The following ASAP2 variants were observed in gnomAD, a reference collection of about 807,000 sequenced individuals.
The protein encoded by ASAP2 is arf-GAP with SH3 domain, ANK repeat and PH domain-containing protein 2.
Under a neutral mutation model 131.4 loss-of-function variants are expected in ASAP2, and 45 were observed. That is an observed-to-expected ratio of 0.34 (90% CI 0.27 to 0.44). The LOEUF (loss-of-function observed/expected upper bound fraction) is 0.44, where lower values mean the gene tolerates loss of function less well. Ranked by LOEUF, ASAP2 falls within the 20% of genes least tolerant of loss-of-function variation. The probability of loss-of-function intolerance (pLI) is 1.00; values close to 1 mark genes in which losing one functional copy is unlikely to be tolerated. For synonymous variants in ASAP2, 510 were observed against 503.0 expected, an observed-to-expected ratio of 1.01 and a Z score of -0.19; for missense variants, 1,011 against 1,297.0, an observed-to-expected ratio of 0.78 and a Z score of 3.39.
intron 1 of ASAP2, among the ~76,000 whole-genome samples, chr2:9,267,771 A>G (rs540322546): frequency 6.6e-6 from 1 of 151,930 alleles, no homozygotes; most frequent in African/African-American, 2.4e-5. Flanking sequence ...AGTAGTGCAC[A>G]CCTGTAGTTC....
At position 9,207,548 on chromosome 2, in the gene ASAP2, G is replaced by C. The variant is rs1268440944; in HGVS notation, c.126+318G>C. 6.6e-6 allele frequency among the ~76,000 whole-genome samples: 1 copy of C among 151,190 alleles called. No homozygotes were observed. On this transcript the variant is annotated intron_variant, in intron 1 of 27. Coordinates refer to ENST00000281419, the MANE Select transcript of ASAP2 (RefSeq NM_003887.3). The surrounding 1 kb of genome is among the most constrained non-coding windows in gnomAD (Gnocchi z 4.1). Reference sequence around the variant, plus strand: ...TCCGCGGCGAGCGGGGGATCCCGCTGCCCGCCGCCGCCCGCCGCCGCCCGG... The same window carrying C: ...TCCGCGGCGAGCGGGGGATCCCGCTCCCCGCCGCCGCCCGCCGCCGCCCGG...
Position 9,232,164 on chromosome 2 carries a change from A to C in ASAP2, c.126+24934A>C, listed in dbSNP as rs1663212454. On this transcript the variant is annotated intron_variant, in intron 1 of 27. Coordinates refer to ENST00000281419, the MANE Select transcript of ASAP2 (RefSeq NM_003887.3). This position sits in a 1 kb window ranked among gnomAD's most constrained non-coding sequence, Gnocchi z 4.1. Reference sequence around the variant, plus strand: ...CCCTGACCTTTTGGAAAGTAACCAGACTCTGGGTCCTTCTCCTTTGTTGAC... The same window carrying C: ...CCCTGACCTTTTGGAAAGTAACCAGCCTCTGGGTCCTTCTCCTTTGTTGAC... Among the ~76,000 whole-genome samples the C allele has an allele frequency of 6.6e-6, 1 of 151,504 alleles. No individual in the cohort carries two copies. The highest frequency in any genetic ancestry group is 1.5e-5 in the Non-Finnish European group (1 of 67,878).
chr2:9,240,743 A>C (rs2148073224), intron 1 of ASAP2, among the ~76,000 whole-genome samples: 1 of 152,276 alleles, frequency 6.6e-6, no homozygotes, highest in South Asian at 2.1e-4. Context: ...TAAGTCAAGG[A>C]GTTTCATCTT....
chr2:9,271,090 G>A (rs2709596), intron 1 of ASAP2, among the ~76,000 whole-genome samples: 90,528 of 145,616 alleles, frequency 0.62, 27,782 homozygotes, highest in East Asian at 0.8. Context: ...ACCGCGCCCG[G>A]CCCTGTTTTC....
At chr2:9,391,597 A>G (rs944169201) in intron 23 of ASAP2, among the ~76,000 whole-genome samples, 3 of 134,324 alleles carry the variant, frequency 2.2e-5, no homozygotes, top group African/African-American at 5.7e-5. Flanking sequence ...TTTTTTTGAG[A>G]CAGAGTCTCA....
At chr2:9,327,473 A>AGGG (rs1249909587) in intron 6 of ASAP2, among the ~76,000 whole-genome samples, 1 of 152,180 alleles carries the variant, frequency 6.6e-6, no homozygotes. Context: ...TCCTAAAGTA[A>AGGG]GGGACCTTGG....
chr2:9,274,782 C>T (rs1354924956), intron 1 of ASAP2, among the ~76,000 whole-genome samples: 1 of 152,194 alleles, frequency 6.6e-6, no homozygotes, highest in Non-Finnish European at 1.5e-5. Context: ...CTTCCACCTA[C>T]CTCACCTTTA....
chr2:9,248,159 G>A (rs1042939836), intron 1 of ASAP2, among the ~76,000 whole-genome samples: 4 of 152,208 alleles, frequency 2.6e-5, no homozygotes, highest in Non-Finnish European at 4.4e-5. Context: ...ACTCAGCAGA[G>A]CAGGGCCATC....
intron 3 of ASAP2, among the ~76,000 whole-genome samples, chr2:9,304,428 G>A (rs1416436345): frequency 6.6e-6 from 1 of 151,476 alleles, no homozygotes; most frequent in Non-Finnish European, 1.5e-5. Context: ...TGGCTCTAGT[G>A]GGGATGTAGA....
At position 9,361,974 on chromosome 2, in the gene ASAP2, CGTGTGTGTGTGTGTGT is replaced by C. The variant is rs70948815; in HGVS notation, c.1461+3108_1461+3123del. Among the ~76,000 whole-genome samples the C allele has an allele frequency of 4.9e-5, 7 of 143,280 alleles. No individual in the cohort carries two copies. In the South Asian group the frequency reaches 9.1e-4, roughly 19 times the overall value. 94.0% of individuals were successfully genotyped at this position (143,280 alleles called of 152,430 possible). On this transcript the variant is annotated intron_variant, in intron 15 of 27. Transcript: ENST00000281419. ...CCTCTTTATCTTATCTCTTTCTCTG[CGTGTGTGTGTGTGTGT>C]GTGTGTGTGTGTGTGTGTGTGTATT...
intron 14 of ASAP2, among the ~76,000 whole-genome samples, 158 bp downstream of exon 14, chr2:9,356,503 G>A (rs1286187866): frequency 6.6e-6 from 1 of 152,204 alleles, no homozygotes; most frequent in African/African-American, 2.4e-5. Context: ...AATGAACTGT[G>A]CAGACCGCGG....
At chr2:9,356,753 C>T (rs1009237448) in intron 14 of ASAP2, among the ~76,000 whole-genome samples, 2 of 152,190 alleles carry the variant, frequency 1.3e-5, no homozygotes, top group African/African-American at 4.8e-5. Context: ...TAGCTTTAAG[C>T]CGCTGTCTGG....
chr2:9,368,283 G>T (rs779895631), intron 15 of ASAP2, 142 bp from the exon 16 acceptor site: 1 of 721,824 alleles, frequency 1.4e-6, no homozygotes, highest in Non-Finnish European at 2.3e-6. Flanking sequence ...TTTGGGTTTT[G>T]TCCATCTTCA....
chr2:9,327,712 T>A, intron 6 of ASAP2, 114 bp from the exon 7 acceptor site: 1 of 711,014 alleles, frequency 1.4e-6, no homozygotes, highest in Non-Finnish European at 2.3e-6. Flanking sequence ...TCATGCACTC[T>A]ACGCATTGTA....
chr2:9,393,868 G>A (rs940030946), intron 24 of ASAP2, among the ~76,000 whole-genome samples: 1 of 152,220 alleles, frequency 6.6e-6, no homozygotes, highest in South Asian at 2.1e-4. Flanking sequence ...AATGAATTCA[G>A]ACAAAGTGTC....
At chr2:9,380,054 A>T (rs1040178393) in intron 19 of ASAP2, among the ~76,000 whole-genome samples, 3 of 152,104 alleles carry the variant, frequency 2.0e-5, no homozygotes, top group Admixed American at 6.5e-5. Context: ...GAGAAGGTTT[A>T]AAAGTTTGTT....
At chr2:9,334,975 G>A (rs1671104016) in intron 8 of ASAP2, 118 bp from the exon 9 acceptor site, 1 of 1,352,492 alleles carries the variant, frequency 7.4e-7, no homozygotes, top group East Asian at 2.4e-5. Flanking sequence ...GGGAAGGTTT[G>A]ACCAGCGAGG....
intron 2 of ASAP2, among the ~76,000 whole-genome samples, chr2:9,294,306 T>G (rs1435459337): frequency 2.0e-5 from 3 of 152,112 alleles, no homozygotes; most frequent in Non-Finnish European, 4.4e-5. Flanking sequence ...GCCACTAATT[T>G]TTTTAAAAAG....
chr2:9,378,652 A>G (rs771506075), intron 18 of ASAP2, among the ~76,000 whole-genome samples: 1 of 152,214 alleles, frequency 6.6e-6, no homozygotes, highest in Non-Finnish European at 1.5e-5. Flanking sequence ...CCGGTAGTGC[A>G]CTGCCCCACC....
Sources: allele counts gnomAD v4.1 joint callset (sites outside exome capture counted in the v4.1 genomes callset), GRCh38; gene constraint gnomAD v4.1.1; non-coding constraint Gnocchi (gnomAD v3.1); transcripts MANE v1.5; gene names NCBI Gene and HGNC (gene_info 2026-07-23, HGNC 2026-07-21).